HYCC1: variants seen among roughly 807,000 people sequenced by gnomAD.
The protein encoded by HYCC1 is hyccin.
At chr7:22,961,122 G>GAATGAGTATT in the HYCC1 span, 3 of 708,050 alleles carry the variant, frequency 4.2e-6, no homozygotes, top group Admixed American at 2.1e-5. Context: ...ACAAGAGCAT[G>GAATGAGTATT]AATACACTGA....
chr7:22,958,012 T>TTATA, the HYCC1 span, among the ~76,000 whole-genome samples: 1 of 151,612 alleles, frequency 6.6e-6, no homozygotes, highest in South Asian at 2.1e-4. Context: ...AATTTGTAAT[T>TTATA]TATATATAAA....
chr7:22,970,115 T>G, the HYCC1 span, among the ~76,000 whole-genome samples: 2 of 152,160 alleles, frequency 1.3e-5, no homozygotes. Flanking sequence ...CCAACACACA[T>G]GAAAGATTTA....
the HYCC1 span, among the ~76,000 whole-genome samples, chr7:22,896,853 T>C: frequency 6.6e-6 from 1 of 152,174 alleles, no homozygotes; most frequent in Non-Finnish European, 1.5e-5. Flanking sequence ...TCAAGAAATA[T>C]TTACTGAGGT....
At chr7:23,013,778 C>A in the HYCC1 span, 2 of 349,054 alleles carry the variant, frequency 5.7e-6, no homozygotes, top group Non-Finnish European at 1.2e-5. Flanking sequence ...GCGCGGGAGC[C>A]GTTACCCCCA....
At chr7:22,934,206 C>CTTTTTTTTT in the HYCC1 span, 47 of 100,164 alleles carry the variant, frequency 4.7e-4, no homozygotes, top group East Asian at 6.4e-4. Flanking sequence ...TCTTTTTTTT[C>CTTTTTTTTT]TTTTTTTTTT....
the HYCC1 span, among the ~76,000 whole-genome samples, chr7:22,900,213 C>CA: frequency 2.0e-5 from 3 of 151,790 alleles, no homozygotes; most frequent in African/African-American, 4.8e-5. Flanking sequence ...ATAACAACAA[C>CA]AAAAAAAAGA....
the HYCC1 span, among the ~76,000 whole-genome samples, chr7:22,957,108 A>T: frequency 6.6e-6 from 1 of 151,894 alleles, no homozygotes. Context: ...AAACACTACA[A>T]TGTGAGATTG....
At chr7:22,952,850 G>A in the HYCC1 span, among the ~76,000 whole-genome samples, 6 of 151,834 alleles carry the variant, frequency 4.0e-5, no homozygotes, top group Admixed American at 3.9e-4. Flanking sequence ...GCTGCACTCT[G>A]AGCAAGGGCA....
At chr7:22,898,371 A>G in the HYCC1 span, among the ~76,000 whole-genome samples, 3 of 150,964 alleles carry the variant, frequency 2.0e-5, no homozygotes, top group Admixed American at 6.6e-5. Context: ...ACACCACCAC[A>G]CCCAGCTAAT....
At chr7:23,000,004 A>G in the HYCC1 span, among the ~76,000 whole-genome samples, 1 of 152,166 alleles carries the variant, frequency 6.6e-6, no homozygotes, top group Non-Finnish European at 1.5e-5. Flanking sequence ...ATAAAAGATT[A>G]TAAAAATTCC....
the HYCC1 span, chr7:22,942,167 G>C: frequency 1.3e-5 from 2 of 151,874 alleles, no homozygotes; most frequent in Non-Finnish European, 2.9e-5. Context: ...CTTAAAACTG[G>C]GATCATTTTG....
the HYCC1 span, among the ~76,000 whole-genome samples, chr7:22,968,702 G>A: frequency 6.6e-6 from 1 of 152,112 alleles, no homozygotes; most frequent in African/African-American, 2.4e-5. Flanking sequence ...AGCAGACAAT[G>A]TAAGGGCCTG....
chr7:22,901,789 T>A, the HYCC1 span, among the ~76,000 whole-genome samples: 1 of 151,848 alleles, frequency 6.6e-6, no homozygotes, highest in South Asian at 2.1e-4. Context: ...AGAAAAAAAA[T>A]TAACCAAATT....
At chr7:22,907,182 G>A in the HYCC1 span, among the ~76,000 whole-genome samples, 4 of 151,530 alleles carry the variant, frequency 2.6e-5, no homozygotes, top group Non-Finnish European at 4.4e-5. Context: ...GGCTGGTTCG[G>A]GCCTTCACAA....
the HYCC1 span, among the ~76,000 whole-genome samples, chr7:22,914,449 G>A: frequency 4.6e-5 from 7 of 151,678 alleles, no homozygotes; most frequent in East Asian, 3.9e-4. Context: ...TTCAACTCTC[G>A]CCTGACCTAA....
At chr7:22,997,259 C>T in the HYCC1 span, among the ~76,000 whole-genome samples, 2 of 152,070 alleles carry the variant, frequency 1.3e-5, no homozygotes, top group African/African-American at 4.8e-5. Flanking sequence ...GTATTTGTAA[C>T]TTTCACTGTA....
chr7:22,911,076 G>A, the HYCC1 span, among the ~76,000 whole-genome samples: 22 of 152,290 alleles, frequency 1.4e-4, no homozygotes, highest in Non-Finnish European at 1.9e-4. Flanking sequence ...TAATAACTAT[G>A]TAAAGTGCTC....
the HYCC1 span, among the ~76,000 whole-genome samples, chr7:23,012,031 T>C: frequency 6.6e-6 from 1 of 152,222 alleles, no homozygotes; most frequent in South Asian, 2.1e-4. Flanking sequence ...TGTTAGATAG[T>C]AAATTCCTTG....
chr7:22,916,853 C>T, the HYCC1 span, among the ~76,000 whole-genome samples: 1 of 152,166 alleles, frequency 6.6e-6, no homozygotes, highest in Non-Finnish European at 1.5e-5. Flanking sequence ...CTCGGGCCCT[C>T]ACTCTTGCAA....
Sources: gnomAD v4.1 joint callset for allele counts (sites outside exome capture counted in the v4.1 genomes callset) on GRCh38, gnomAD v4.1.1 for gene constraint, MANE v1.5 for transcripts, NCBI Gene and HGNC (gene_info 2026-07-23, HGNC 2026-07-21) for gene names.